The following NLRP4 variants were observed in gnomAD, a reference collection of about 807,000 sequenced individuals.
NLRP4 encodes the protein NLR family pyrin domain containing 4, also known as NACHT, LRR and PYD domains-containing protein 4.
NLRP4 carries 44 observed loss-of-function variants against 84.7 expected under a neutral mutation model. The ratio of observed to expected loss-of-function variants is 0.52; its 90% CI spans 0.41 to 0.67. The LOEUF is 0.67. Ranked by LOEUF, NLRP4 falls within the 30% of genes least tolerant of loss-of-function variation. The probability of loss-of-function intolerance (pLI) is 0.00; values close to 1 mark genes in which losing one functional copy is unlikely to be tolerated. For synonymous variants in NLRP4, 544 were observed against 476.4 expected (o/e 1.14, Z -1.85); for missense variants, 1,260 against 1,219.4 (o/e 1.03, Z -0.50).
chr19:55,867,292 A>AC (rs1401964899), intron 5 of NLRP4, among the ~76,000 whole-genome samples: 2 of 149,210 alleles, frequency 1.3e-5, no homozygotes, highest in Non-Finnish European at 3.0e-5. Flanking sequence ...TACCCCAGAG[A>AC]CCGTAAGCCA....
rs577197091 is a variant in NLRP4, at chr19:55,865,636, G to T, written c.2187-2073G>T. On this transcript the variant is annotated intron_variant, in intron 5 of 9. Coordinates refer to ENST00000301295, the MANE Select transcript of NLRP4 (RefSeq NM_134444.5). ...ACCTCACCAGCATATATTATTTCTTGACTTTTTTTAATAATAGCCATTCTG... is the reference window on the plus strand; with the variant it reads ...ACCTCACCAGCATATATTATTTCTTTACTTTTTTTAATAATAGCCATTCTG... Among the ~76,000 whole-genome samples, 24 of 152,158 alleles carry T rather than the reference G, an allele frequency of 1.6e-4. No homozygotes were observed. The South Asian group carries it at 2.5e-3, about 16-fold the overall frequency.
At chr19:55,876,965 C>T in intron 7 of NLRP4, 31 bp from the exon 8 acceptor site, 1 of 1,591,444 alleles carries the variant, frequency 6.3e-7, no homozygotes, top group South Asian at 1.1e-5. Context: ...GTGTAATAGC[C>T]TTTAAGCATG....
At chr19:55,851,949 T>TA in intron 1 of NLRP4, 67 bp from the exon 2 acceptor site, 1 of 703,154 alleles carries the variant, frequency 1.4e-6, no homozygotes. Context: ...ACTAGCAAGA[T>TA]ACTATATAAT....
rs368338379 is a variant in NLRP4 at position 55,861,532 on chromosome 19, G to A, written c.2003G>A (p.Arg668His). The A allele has an allele frequency of 6.6e-5, 106 of 1,613,752 alleles. No homozygotes were observed. Among genetic ancestry groups the A allele is most frequent in the Non-Finnish European group, 7.5e-5 (89 of 1,179,930 alleles). Residue 668 changes from arginine (R) to histidine (H), a missense_variant, in exon 4 of 10, where the codon CGC becomes CAC. This residue lies in a region of NLRP4 where 544 missense variants were observed against 531.7 expected (regional missense o/e 1.02). Coordinates refer to ENST00000301295, the MANE Select transcript of NLRP4 (RefSeq NM_134444.5). ...WCNQLRHPSC[R>H]LQKLGINNVS... ...AACCAGCTGAGGCATCCCAGCTGTC[G>A]CCTTCAGAAGCTTGGGTGAGTTGAG... is the stretch of plus-strand genomic sequence containing the variant.
At chr19:55,839,258 C>T (rs1442532144) in intron 1 of NLRP4, among the ~76,000 whole-genome samples, 1 of 151,706 alleles carries the variant, frequency 6.6e-6, no homozygotes, top group Admixed American at 6.6e-5. Flanking sequence ...TGTTAATTTG[C>T]TGAGGATGAT....
At chr19:55,849,802 TAATTTCCAAA>T (rs1390775846) in intron 1 of NLRP4, among the ~76,000 whole-genome samples, 10 of 150,368 alleles carry the variant, frequency 6.7e-5, no homozygotes, top group Admixed American at 2.0e-4. Flanking sequence ...AGCTGCGGTG[TAATTTCCAAA>T]GCTGCGGTGT....
At chr19:55,842,850 C>T (rs429241) in intron 1 of NLRP4, among the ~76,000 whole-genome samples, 22,883 of 151,984 alleles carry the variant, frequency 0.15, 1,919 homozygotes, top group African/African-American at 0.18. Context: ...AGCTCTGCCT[C>T]CCGGGTTCAC....
At chr19:55,843,352 T>A (rs1983682806) in intron 1 of NLRP4, among the ~76,000 whole-genome samples, 1 of 152,182 alleles carries the variant, frequency 6.6e-6, no homozygotes. Context: ...TGGACTTTAT[T>A]GGGCTTCTTA....
At chr19:55,861,604 A>C in intron 4 of NLRP4, 57 bp downstream of exon 4, 4 of 1,499,588 alleles carry the variant, frequency 2.7e-6, no homozygotes, top group South Asian at 1.2e-5. Context: ...TATTCATCTC[A>C]CCTCTAGCTT....
At chr19:55,848,826 G>A (rs577595527) in intron 1 of NLRP4, among the ~76,000 whole-genome samples, 17 of 152,050 alleles carry the variant, frequency 1.1e-4, no homozygotes, top group Admixed American at 5.2e-4. Context: ...GGAGGGACCC[G>A]GTGGGAGATA....
Position 55,849,890 on chromosome 19 carries a change from G to A in NLRP4, c.-65-2126G>A, listed in dbSNP as rs111810148. Among the ~76,000 whole-genome samples, 24 of 13,458 alleles carry A rather than the reference G, an allele frequency of 1.8e-3. No homozygotes were observed. The East Asian group carries it at 0.025, about 14-fold the overall frequency. 8.8% of individuals were successfully genotyped at this position (13,458 alleles called of 152,430 possible). A position where few individuals can be genotyped will look rare whatever the true frequency, so the allele number is the denominator to read the frequency against. ...TTTCCGTGGCCGCGGTGTAATTTCC[G>A]TGGCCGGCGGTGTAATTTCCGTAGC... On this transcript the variant is annotated intron_variant, in intron 1 of 9. Coordinates refer to ENST00000301295, the MANE Select transcript of NLRP4 (RefSeq NM_134444.5).
At chr19:55,845,260 A>G (rs1285623749) in intron 1 of NLRP4, among the ~76,000 whole-genome samples, 1 of 142,586 alleles carries the variant, frequency 7.0e-6, no homozygotes, top group Non-Finnish European at 1.5e-5. Context: ...CCCACCTATG[A>G]GTGAGAACAT....
At chr19:55,875,279 A>G (rs924865661) in intron 7 of NLRP4, among the ~76,000 whole-genome samples, 22 of 152,226 alleles carry the variant, frequency 1.4e-4, no homozygotes, top group Non-Finnish European at 1.5e-5. Context: ...ATCTTTGAAG[A>G]AACACCTAAT....
At chr19:55,850,119 G>C (rs1984009296) in intron 1 of NLRP4, among the ~76,000 whole-genome samples, 2 of 144,132 alleles carry the variant, frequency 1.4e-5, no homozygotes, top group African/African-American at 2.7e-5. Context: ...CCGTAGCTGC[G>C]GTGTAATTTC....
rs950639826 is a variant in NLRP4 at position 55,849,918 on chromosome 19, C to T, written c.-65-2098C>T. On this transcript the variant is annotated intron_variant, in intron 1 of 9. Transcript: ENST00000301295. ...GCCGGCGGTGTAATTTCCGTAGCCG[C>T]GGTGTAATTTCCGTAGCCGCGGTGT... Among the ~76,000 whole-genome samples, 12 of 142,140 alleles carry T rather than the reference C, an allele frequency of 8.4e-5. 3 individuals carry two copies. The highest frequency in any genetic ancestry group is 2.9e-4 in the Admixed American group (4 of 13,746). The allele number at this position is 142,140 out of a possible 152,430, so 93.2% of individuals were successfully genotyped here. A position where few individuals can be genotyped will look rare whatever the true frequency, so the allele number is the denominator to read the frequency against.
At chr19:55,864,827 T>A (rs975257582) in intron 5 of NLRP4, among the ~76,000 whole-genome samples, 2 of 152,184 alleles carry the variant, frequency 1.3e-5, no homozygotes, top group African/African-American at 4.8e-5. Context: ...TTGCTTTTCC[T>A]GAATGACTAA....
intron 7 of NLRP4, among the ~76,000 whole-genome samples, chr19:55,873,775 C>T (rs1027689586): frequency 2.0e-4 from 31 of 152,086 alleles, no homozygotes; most frequent in African/African-American, 7.5e-4. Flanking sequence ...AATTATCTTC[C>T]TACTCAGTTG....
intron 6 of NLRP4, among the ~76,000 whole-genome samples, chr19:55,870,397 C>T (rs1053633478): frequency 2.6e-5 from 4 of 152,218 alleles, no homozygotes; most frequent in African/African-American, 9.6e-5. Flanking sequence ...CGCGGTGGCT[C>T]ACGCCTTGTA....
At chr19:55,876,442 G>A (rs1291346451) in intron 7 of NLRP4, among the ~76,000 whole-genome samples, 5 of 152,120 alleles carry the variant, frequency 3.3e-5, no homozygotes, top group Admixed American at 1.3e-4. Flanking sequence ...TCTGCTTCCC[G>A]AGTTCAAGTG....
Sources: allele counts gnomAD v4.1 joint callset (sites outside exome capture counted in the v4.1 genomes callset), GRCh38; gene constraint gnomAD v4.1.1; regional missense constraint gnomAD v4.1.1; transcripts MANE v1.5; gene names NCBI Gene and HGNC (gene_info 2026-07-23, HGNC 2026-07-21).